Variants in MCC observed in about 807,000 individuals in gnomAD.
MCC encodes MCC regulator of Wnt signaling pathway.
A neutral mutation model predicts 116.2 loss-of-function variants in MCC; 90 were observed. That is an observed-to-expected ratio of 0.77 (90% CI 0.65 to 0.92). The LOEUF (loss-of-function observed/expected upper bound fraction) is 0.92, where lower values mean the gene tolerates loss of function less well. Among genes scored for constraint, MCC ranks in the 40% least tolerant of loss-of-function variants. The pLI is 0.00. For missense variants in MCC, 1,516 were observed against 1,312.2 expected (o/e 1.16, Z -2.40); for synonymous variants, 578 against 510.5 (o/e 1.13, Z -1.78).
At chr5:113,480,248 C>T (rs190650164) in intron 1 of MCC, among the ~76,000 whole-genome samples, 7 of 152,304 alleles carry the variant, frequency 4.6e-5, no homozygotes, top group African/African-American at 7.2e-5. Context: ...TGCTTAAGGA[C>T]GACTGAGCAA....
At chr5:113,069,917 A>G (rs1334388474) in intron 12 of MCC, among the ~76,000 whole-genome samples, 1 of 152,184 alleles carries the variant, frequency 6.6e-6, no homozygotes, top group Non-Finnish European at 1.5e-5. Flanking sequence ...GTCCTTTACT[A>G]AGAGTTAAGA....
At chr5:113,060,121 C>G (rs893575764) in intron 14 of MCC, among the ~76,000 whole-genome samples, 2 of 152,096 alleles carry the variant, frequency 1.3e-5, no homozygotes, top group East Asian at 1.9e-4. Context: ...TAGCTGAGAT[C>G]TCATTTCCAT....
chr5:113,281,157 C>T (rs17135546), intron 3 of MCC, among the ~76,000 whole-genome samples: 17,958 of 152,186 alleles, frequency 0.12, 1,710 homozygotes, highest in Admixed American at 0.26. Flanking sequence ...ACGTGGCCTT[C>T]GTTGCTATGG....
chr5:113,238,309 A>T (rs1024863930), intron 3 of MCC, among the ~76,000 whole-genome samples: 5 of 152,166 alleles, frequency 3.3e-5, no homozygotes, highest in Non-Finnish European at 7.3e-5. Context: ...TTCACTAAAA[A>T]CTGAGAAATG....
chr5:113,141,150 C>T (rs1230222537), intron 5 of MCC, among the ~76,000 whole-genome samples: 5 of 152,194 alleles, frequency 3.3e-5, no homozygotes, highest in Non-Finnish European at 7.3e-5. Flanking sequence ...ATACTTTTCT[C>T]CTGCCCGTGG....
intron 2 of MCC, among the ~76,000 whole-genome samples, chr5:113,383,292 A>C (rs1348778039): frequency 6.6e-6 from 1 of 152,224 alleles, no homozygotes; most frequent in African/African-American, 2.4e-5. Context: ...TGTTTATAGA[A>C]GAAATCCATG....
At chr5:113,472,286 T>C (rs1357151722) in intron 1 of MCC, among the ~76,000 whole-genome samples, 1 of 152,246 alleles carries the variant, frequency 6.6e-6, no homozygotes, top group Non-Finnish European at 1.5e-5. Context: ...GAGCTGTTCC[T>C]ATTCGGCCAT....
At chr5:113,448,742 T>C (rs1771296337) in intron 1 of MCC, among the ~76,000 whole-genome samples, 1 of 152,152 alleles carries the variant, frequency 6.6e-6, no homozygotes, top group Non-Finnish European at 1.5e-5. Flanking sequence ...ATCATCATCT[T>C]AAAACACCAT....
At chr5:113,411,673 A>G (rs967634494) in intron 1 of MCC, among the ~76,000 whole-genome samples, 28 of 152,268 alleles carry the variant, frequency 1.8e-4, no homozygotes, top group African/African-American at 6.7e-4. Context: ...GCTAACCTTT[A>G]AAAAGAAAAA....
chr5:113,119,282 G>C (rs1390542252), intron 6 of MCC, among the ~76,000 whole-genome samples: 1 of 152,340 alleles, frequency 6.6e-6, no homozygotes, highest in East Asian at 1.9e-4. Flanking sequence ...CATCCTCAGG[G>C]AGTGCTCCAT....
Position 113,434,346 on chromosome 5 carries a change from T to C in MCC, c.171-49134A>G. 1 of 1,613,872 alleles carries C rather than the reference T, an allele frequency of 6.2e-7. No individual in the cohort carries two copies. Among genetic ancestry groups the C allele is most frequent in the Non-Finnish European group, 8.5e-7 (1 of 1,179,870 alleles). On this transcript the variant is annotated intron_variant, in intron 1 of 18. Coordinates refer to ENST00000408903, the MANE Select transcript of MCC (RefSeq NM_001085377.2). This position sits in a 1 kb window ranked among gnomAD's most constrained non-coding sequence, Gnocchi z 4.2. ...CTTGCTTAATGCCATTCGACCACTG[T>C]CATCCCGCAGGCAGCGCTTGGAGAA...
intron 2 of MCC, among the ~76,000 whole-genome samples, chr5:113,370,146 C>T (rs1034947264): frequency 2.7e-4 from 41 of 152,206 alleles, no homozygotes; most frequent in African/African-American, 9.9e-4. Context: ...TTATTCTACA[C>T]AGTTGGCAAT....
chr5:113,098,207 A>T (rs530847255), intron 8 of MCC, among the ~76,000 whole-genome samples: 1 of 152,298 alleles, frequency 6.6e-6, no homozygotes, highest in Non-Finnish European at 1.5e-5. Context: ...TGGCTGACTT[A>T]AACAATGTAG....
chr5:113,438,078 T>G (rs1232113614), intron 1 of MCC, among the ~76,000 whole-genome samples: 1 of 152,204 alleles, frequency 6.6e-6, no homozygotes, highest in Non-Finnish European at 1.5e-5. Context: ...AAAAGCAGTT[T>G]TCTAATGCAA....
chr5:113,085,965 C>T (rs991177379), intron 8 of MCC, among the ~76,000 whole-genome samples: 2 of 152,220 alleles, frequency 1.3e-5, no homozygotes, highest in African/African-American at 4.8e-5. Context: ...GCTGGGATTA[C>T]CGGCATGAGC....
At position 113,486,944 on chromosome 5, in the gene MCC, T is replaced by C. The variant is rs188596928; in HGVS notation, c.170+1301A>G. Among the ~76,000 whole-genome samples, 196 of 152,146 alleles carry C rather than the reference T, an allele frequency of 1.3e-3. 1 individual carries two copies. Among genetic ancestry groups the C allele is most frequent in the African/African-American group, 4.5e-3 (186 of 41,516 alleles). ...AACAACAAAAAGGAAAACTATATAA[T>C]GAAATTTCTTTTACTCCCAGAACCA... On this transcript the variant is annotated intron_variant, in intron 1 of 18. Transcript: ENST00000408903.
chr5:113,279,709 A>G (rs1765962216), intron 3 of MCC, among the ~76,000 whole-genome samples: 1 of 152,220 alleles, frequency 6.6e-6, no homozygotes, highest in African/African-American at 2.4e-5. Flanking sequence ...CATTCTCACA[A>G]GCTCTTACGA....
chr5:113,294,660 C>T, intron 3 of MCC: 6 of 1,077,008 alleles, frequency 5.6e-6, no homozygotes, highest in Non-Finnish European at 6.7e-6. Flanking sequence ...GCGCGGGGAC[C>T]CTCCCGCGCG....
At chr5:113,377,165 A>G (rs1294478689) in intron 2 of MCC, among the ~76,000 whole-genome samples, 1 of 152,216 alleles carries the variant, frequency 6.6e-6, no homozygotes, top group Admixed American at 6.5e-5. Flanking sequence ...CAATATGGTC[A>G]CATTTGCATT....
Sources: allele counts gnomAD v4.1 joint callset (sites outside exome capture counted in the v4.1 genomes callset), GRCh38; gene constraint gnomAD v4.1.1; non-coding constraint Gnocchi (gnomAD v3.1); transcripts MANE v1.5; gene names NCBI Gene and HGNC (gene_info 2026-07-23, HGNC 2026-07-21).